Variants in CATSPERE observed in about 807,000 individuals in gnomAD.
CATSPERE encodes cation channel sperm-associated auxiliary subunit epsilon.
CATSPERE carries 93 observed loss-of-function variants against 114.1 expected under a neutral mutation model. That is an observed-to-expected ratio of 0.81 (90% confidence interval 0.69 to 0.97). CATSPERE has a LOEUF of 0.97. Ranked by LOEUF, CATSPERE falls within the 50% of genes least tolerant of loss-of-function variation. The probability of loss-of-function intolerance (pLI) is 0.00; values close to 1 mark genes in which losing one functional copy is unlikely to be tolerated. For missense variants in CATSPERE, 1,058 were observed against 1,131.6 expected, an observed-to-expected ratio of 0.93 and a Z score of 0.93; for synonymous variants, 341 against 384.1, an observed-to-expected ratio of 0.89 and a Z score of 1.31.
At chr1:244,598,905 C>T (rs757065216) in intron 17 of CATSPERE, among the ~76,000 whole-genome samples, 4 of 152,124 alleles carry the variant, frequency 2.6e-5, no homozygotes, top group Admixed American at 6.5e-5. Context: ...ACTGCATCTA[C>T]AGCCTGACCG....
At chr1:244,598,681 C>A in intron 17 of CATSPERE, 1 of 242,666 alleles carries the variant, frequency 4.1e-6, no homozygotes. Flanking sequence ...TTTTCAACAT[C>A]ACCCATATTT....
At chr1:244,571,359 T>G (rs556681850) in intron 10 of CATSPERE, among the ~76,000 whole-genome samples, 2 of 152,340 alleles carry the variant, frequency 1.3e-5, no homozygotes, top group African/African-American at 4.8e-5. Context: ...GTGTTGTCTT[T>G]TGACAAAGTA....
At chr1:244,538,669 C>T (rs1308688976) in intron 8 of CATSPERE, among the ~76,000 whole-genome samples, 1 of 152,212 alleles carries the variant, frequency 6.6e-6, no homozygotes, top group African/African-American at 2.4e-5. Flanking sequence ...CCAAGCTACA[C>T]AGTGCCACAC....
chr1:244,520,354 G>A (rs1356330336), intron 8 of CATSPERE, among the ~76,000 whole-genome samples: 1 of 152,034 alleles, frequency 6.6e-6, no homozygotes, highest in African/African-American at 2.4e-5. Flanking sequence ...TTTCTTTCTG[G>A]AGATCTAGTT....
intron 7 of CATSPERE, among the ~76,000 whole-genome samples, chr1:244,502,959 C>T (rs1391234405): frequency 6.6e-6 from 1 of 152,088 alleles, no homozygotes; most frequent in Non-Finnish European, 1.5e-5. Context: ...ACTTCCTGTC[C>T]TGGTTGTGCA....
At chr1:244,619,632 G>T (rs1671833501) in intron 20 of CATSPERE, among the ~76,000 whole-genome samples, 1 of 152,134 alleles carries the variant, frequency 6.6e-6, no homozygotes, top group Non-Finnish European at 1.5e-5. Context: ...CAAGTAAGAG[G>T]GGGCTTCGGA....
chr1:244,556,408 A>C (rs1371459340), intron 9 of CATSPERE, among the ~76,000 whole-genome samples: 1 of 152,190 alleles, frequency 6.6e-6, no homozygotes, highest in Non-Finnish European at 1.5e-5. Context: ...CAGTCTAAAC[A>C]CAACAATAAT....
At chr1:244,611,591 T>C (rs1422941332) in intron 19 of CATSPERE, among the ~76,000 whole-genome samples, 1 of 151,678 alleles carries the variant, frequency 6.6e-6, no homozygotes, top group Non-Finnish European at 1.5e-5. Flanking sequence ...TGAGACCTTG[T>C]CTCAAAAAAG....
Position 244,554,719 on chromosome 1 carries a change from G to A in CATSPERE, c.1029+1905G>A, listed in dbSNP as rs373292752. Among the ~76,000 whole-genome samples, 3 of 2,566 alleles carry A rather than the reference G, an allele frequency of 1.2e-3. No individual in the cohort carries two copies. The Admixed American group carries it at 0.022, about 19-fold the overall frequency. 1.7% of individuals were successfully genotyped at this position (2,566 alleles called of 152,430 possible). A position where few individuals can be genotyped will look rare whatever the true frequency, so the allele number is the denominator to read the frequency against. On this transcript the variant is annotated intron_variant, in intron 9 of 21. Coordinates refer to ENST00000366534, the MANE Select transcript of CATSPERE (RefSeq NM_001130957.2). ...ATGACCTTTGCCCACTTTTAAATGG[G>A]ATTTTTTTTAACTATTAAGTTGTAA...
intron 11 of CATSPERE, among the ~76,000 whole-genome samples, chr1:244,574,937 T>C (rs1411790082): frequency 6.6e-6 from 1 of 152,224 alleles, no homozygotes; most frequent in African/African-American, 2.4e-5. Context: ...CTTTCTGACT[T>C]CTTTTTACAC....
Position 244,573,026 on chromosome 1 carries a change from C to A in CATSPERE, c.1950+254C>A, listed in dbSNP as rs1468278016. ...TTGTCAATTGTATTGTTCACTTCTT[C>A]TTCTTTTTTTTTTTAATGCATGGCT... On this transcript the variant is annotated intron_variant, in intron 11 of 21. Transcript: ENST00000366534. The surrounding 1 kb of genome is among the most constrained non-coding windows in gnomAD (Gnocchi z 4.0). Among the ~76,000 whole-genome samples, 1 of 151,708 alleles carries A rather than the reference C, an allele frequency of 6.6e-6. No homozygotes were observed. The highest frequency in any genetic ancestry group is 2.1e-4 in the South Asian group (1 of 4,808).
In CATSPERE at chr1:244,488,531, T is replaced by C. The variant is rs755769304; in HGVS notation, c.327-1916T>C. ...TAAAGACCCAGAAGAATGCTGCTAA[T>C]ATTGTCTTTCCATGGAAATTCAGAC... On this transcript the variant is annotated intron_variant, in intron 5 of 21. Coordinates refer to ENST00000366534, the MANE Select transcript of CATSPERE (RefSeq NM_001130957.2). 9.2e-5 allele frequency among the ~76,000 whole-genome samples: 14 copies of C among 152,238 alleles called. 1 individual carries two copies. Among genetic ancestry groups the C allele is most frequent in the Non-Finnish European group, 2.1e-4 (14 of 68,044 alleles).
At chr1:244,513,829 C>T (rs576951364) in intron 7 of CATSPERE, among the ~76,000 whole-genome samples, 1 of 152,256 alleles carries the variant, frequency 6.6e-6, no homozygotes, top group African/African-American at 2.4e-5. Context: ...GTGGAAGCTG[C>T]AGGTGGGTTG....
chr1:244,625,406 T>TAATATATATATATATA (rs74162779), intron 20 of CATSPERE, among the ~76,000 whole-genome samples: 1 of 12,882 alleles, frequency 7.8e-5, no homozygotes, highest in African/African-American at 3.0e-4. Context: ...TTATTATTAT[T>TAATATATATATATATA]TATATATATA....
chr1:244,521,940 A>G (rs1332276047), intron 8 of CATSPERE, among the ~76,000 whole-genome samples: 2 of 152,322 alleles, frequency 1.3e-5, no homozygotes, highest in East Asian at 3.9e-4. Flanking sequence ...ACAGAAAGTC[A>G]ACAAGGATAC....
Position 244,572,647 on chromosome 1 carries a change from A to G in CATSPERE, c.1825A>G (p.Thr609Ala), listed in dbSNP as rs1272975185. Residue 609 changes from threonine to alanine, a missense_variant, in exon 11 of 22, where the codon ACT becomes GCT. Thr to Ala is a moderately conservative substitution (Grantham distance 58). Coordinates refer to ENST00000366534, the MANE Select transcript of CATSPERE (RefSeq NM_001130957.2). ...LDKGEALTVW[T>A]QIVYPENTGL... Reference sequence around the variant, plus strand: ...CAAGGGAGAGGCTCTGACAGTTTGGACTCAGATCGTCTATCCAGAAAACAC... The same window carrying G: ...CAAGGGAGAGGCTCTGACAGTTTGGGCTCAGATCGTCTATCCAGAAAACAC... The G allele has an allele frequency of 1.2e-6, 2 of 1,614,036 alleles. No homozygotes were observed. Among genetic ancestry groups the G allele is most frequent in the Non-Finnish European group, 1.7e-6 (2 of 1,179,950 alleles).
chr1:244,522,166 T>G lies in CATSPERE; in HGVS notation c.536+3468T>G, dbSNP rs556646160. 8.5e-4 allele frequency among the ~76,000 whole-genome samples: 129 copies of G among 152,134 alleles called. 1 individual carries two copies. Among genetic ancestry groups the G allele is most frequent in the Non-Finnish European group, 5.9e-5 (4 of 67,994 alleles). Reference sequence around the variant, plus strand: ...GACCACAGTGCAATCAAACTAGAACTCAGGATTAAGAATCTCACTCAAAAC... The same window carrying G: ...GACCACAGTGCAATCAAACTAGAACGCAGGATTAAGAATCTCACTCAAAAC... On this transcript the variant is annotated intron_variant, in intron 8 of 21. Coordinates refer to ENST00000366534, the MANE Select transcript of CATSPERE (RefSeq NM_001130957.2).
At chr1:244,535,499 T>C (rs1357063731) in intron 8 of CATSPERE, among the ~76,000 whole-genome samples, 3 of 152,138 alleles carry the variant, frequency 2.0e-5, no homozygotes, top group African/African-American at 7.2e-5. Context: ...CTCCTCTCTT[T>C]CCTTTTCACA....
intron 17 of CATSPERE, among the ~76,000 whole-genome samples, chr1:244,600,052 C>T (rs1668978584): frequency 6.6e-6 from 1 of 152,124 alleles, no homozygotes; most frequent in African/African-American, 2.4e-5. Context: ...ATATAGCAGA[C>T]TGAGCTAAGT....
Sources: allele counts gnomAD v4.1 joint callset (sites outside exome capture counted in the v4.1 genomes callset), GRCh38; gene constraint gnomAD v4.1.1; non-coding constraint Gnocchi (gnomAD v3.1); transcripts MANE v1.5; gene names NCBI Gene and HGNC (gene_info 2026-07-23, HGNC 2026-07-21).